Variants in HERC4 observed in about 807,000 individuals in gnomAD.
HERC4 encodes probable E3 ubiquitin-protein ligase HERC4.
In HERC4, 28 loss-of-function variants were observed where a neutral mutation model predicts 124.3. The ratio of observed to expected loss-of-function variants is 0.23; its 90% CI spans 0.17 to 0.31. HERC4 has a LOEUF of 0.31. HERC4 is among the 10% of genes least tolerant of loss of function. HERC4 has a pLI of 1.00. For missense variants in HERC4, 713 were observed against 1,229.3 expected, an observed-to-expected ratio of 0.58 and a Z score of 6.28; for synonymous variants, 407 against 421.5, an observed-to-expected ratio of 0.97 and a Z score of 0.42.
chr10:67,932,560 T>C, intron 23 of HERC4, 37 bp downstream of exon 23: 1 of 1,541,486 alleles, frequency 6.5e-7, no homozygotes, highest in Non-Finnish European at 8.8e-7. Context: ...ATATAAATCT[T>C]TCCATTTAAC....
rs1246628014 is a variant in HERC4 at position 68,044,394 on chromosome 10, C to T, written c.386+10G>A. 1 of 1,603,248 alleles carries T rather than the reference C, an allele frequency of 6.2e-7. No homozygotes were observed. Among genetic ancestry groups the T allele is most frequent in the South Asian group, 1.1e-5 (1 of 88,716 alleles). On this transcript the variant is annotated intron_variant, in intron 4 of 24. Transcript: ENST00000373700. ...ATTGTTAAGGACCTCTTTCTGGTCA[C>T]CTTTGTTACCTGGGTACTCTGATGC...
At chr10:67,933,912 T>C (rs2032083652) in intron 22 of HERC4, among the ~76,000 whole-genome samples, 1 of 152,188 alleles carries the variant, frequency 6.6e-6, no homozygotes, top group African/African-American at 2.4e-5. Context: ...AGCATCTAAG[T>C]AGCGGAATTA....
At chr10:68,037,563 A>C (rs923255887) in intron 5 of HERC4, among the ~76,000 whole-genome samples, 1 of 152,210 alleles carries the variant, frequency 6.6e-6, no homozygotes, top group African/African-American at 2.4e-5. Flanking sequence ...TAGAAAGTTC[A>C]TCTATGAGAT....
intron 19 of HERC4, 200 bp downstream of exon 19, chr10:67,954,395 A>C: frequency 5.2e-6 from 2 of 386,946 alleles, no homozygotes; most frequent in Non-Finnish European, 9.1e-6. Flanking sequence ...TTATTTTGTT[A>C]ATTTAAAATG....
chr10:67,984,850 C>G (rs2036169933), intron 15 of HERC4, among the ~76,000 whole-genome samples: 2 of 152,102 alleles, frequency 1.3e-5, no homozygotes, highest in Admixed American at 1.3e-4. Context: ...TCGCAAAGTG[C>G]TGGGGTTACA....
At chr10:67,967,568 T>C (rs1263580271) in intron 15 of HERC4, among the ~76,000 whole-genome samples, 1 of 152,170 alleles carries the variant, frequency 6.6e-6, no homozygotes, top group African/African-American at 2.4e-5. Flanking sequence ...ATTACCACCC[T>C]AGAGATTACC....
At chr10:68,066,854 T>A (rs2041328880) in intron 3 of HERC4, among the ~76,000 whole-genome samples, 1 of 152,202 alleles carries the variant, frequency 6.6e-6, no homozygotes, top group Admixed American at 6.5e-5. Flanking sequence ...CAAAGTGGTA[T>A]CAGAATGTAA....
intron 3 of HERC4, among the ~76,000 whole-genome samples, chr10:68,055,600 T>A (rs2040508747): frequency 6.6e-6 from 1 of 152,188 alleles, no homozygotes; most frequent in Non-Finnish European, 1.5e-5. Context: ...GAGGAAGTTA[T>A]CCTTAAGCTT....
chr10:67,993,890 C>T lies in HERC4; in HGVS notation c.1070-1208G>A, dbSNP rs894494214. 1.2e-4 allele frequency: 18 copies of T among 152,198 alleles called. 1 individual carries two copies. The highest frequency in any genetic ancestry group is 2.5e-4 in the Non-Finnish European group (17 of 68,016). 9.4% of individuals were successfully genotyped at this position (152,198 alleles called of 1,614,324 possible). The stretch of plus-strand genomic sequence containing the variant: ...ATTCCCATTCCTTAGTTGACTAATT[C>T]TTCACCTTGTATTATTTGTGACCAT... On this transcript the variant is annotated intron_variant, in intron 9 of 24. Transcript: ENST00000373700.
chr10:67,962,237 C>G (rs1589192064), intron 16 of HERC4, among the ~76,000 whole-genome samples: 1 of 148,902 alleles, frequency 6.7e-6, no homozygotes, highest in South Asian at 2.1e-4. Flanking sequence ...AAAAAAAAAG[C>G]CTATAAAAAT....
At position 67,922,831 on chromosome 10, in the gene HERC4, TTATAATAG is replaced by T. The variant is rs1302136390; in HGVS notation, c.*92_*99del. On this transcript the variant is annotated 3_prime_UTR_variant, in exon 25 of 25. Coordinates refer to ENST00000373700, the MANE Select transcript of HERC4 (RefSeq NM_015601.4). ...AGATTGAACATTCTGCAAGTAAGAA[TTATAATAG>T]TACCTCTGTCACCTTGCTGAATTCA... is the stretch of plus-strand genomic sequence containing the variant. 1 of 841,924 alleles carries T rather than the reference TTATAATAG, an allele frequency of 1.2e-6. No homozygotes were observed. 52.2% of individuals were successfully genotyped at this position (841,924 alleles called of 1,614,324 possible).
At chr10:67,936,779 T>C (rs2032401417) in intron 21 of HERC4, among the ~76,000 whole-genome samples, 1 of 152,214 alleles carries the variant, frequency 6.6e-6, no homozygotes, top group Admixed American at 6.5e-5. Flanking sequence ...TTCCCACTTA[T>C]GCATCTTTTC....
In HERC4 at chr10:67,994,236, T is replaced by C. The variant is rs1276217611; in HGVS notation, c.1070-1554A>G. 5 of 152,310 alleles carry C rather than the reference T, an allele frequency of 3.3e-5. No individual in the cohort carries two copies. In the East Asian group the frequency reaches 9.6e-4, roughly 29 times the overall value. The allele number at this position is 152,310 out of a possible 1,614,324, so 9.4% of individuals were successfully genotyped here. ...CTAAAATCTTTTTTCTAAATAATTC[T>C]CACAAATCTATATGGAATTGCTCAT... On this transcript the variant is annotated intron_variant, in intron 9 of 24. Transcript: ENST00000373700.
intron 15 of HERC4, among the ~76,000 whole-genome samples, chr10:67,974,316 G>C (rs950437903): frequency 3.3e-5 from 5 of 152,068 alleles, no homozygotes; most frequent in Admixed American, 2.6e-4. Flanking sequence ...AGACCCTATA[G>C]AGATGTTGCA....
At chr10:68,051,446 G>A (rs1589425867) in intron 3 of HERC4, among the ~76,000 whole-genome samples, 3 of 148,468 alleles carry the variant, frequency 2.0e-5, no homozygotes, top group South Asian at 4.3e-4. Flanking sequence ...CCGGGTTCGC[G>A]CCATTCTCCT....
intron 21 of HERC4, among the ~76,000 whole-genome samples, chr10:67,937,706 A>T (rs2032489129): frequency 7.3e-6 from 1 of 137,022 alleles, no homozygotes; most frequent in African/African-American, 2.8e-5. Flanking sequence ...TTTGAGATGG[A>T]GTCTCACTGT....
At chr10:67,973,996 G>A (rs1054019642) in intron 15 of HERC4, among the ~76,000 whole-genome samples, 1 of 145,152 alleles carries the variant, frequency 6.9e-6, no homozygotes, top group African/African-American at 2.6e-5. Flanking sequence ...GCAGTGAGCC[G>A]AGATCACGCC....
intron 9 of HERC4, among the ~76,000 whole-genome samples, chr10:68,007,031 G>T (rs1247956927): frequency 3.3e-5 from 5 of 152,068 alleles, no homozygotes; most frequent in Non-Finnish European, 7.4e-5. Flanking sequence ...GATTGAAAAG[G>T]TCTCTATTAT....
At chr10:67,996,334 A>C (rs2132854676) in intron 9 of HERC4, among the ~76,000 whole-genome samples, 1 of 152,222 alleles carries the variant, frequency 6.6e-6, no homozygotes, top group South Asian at 2.1e-4. Flanking sequence ...GCCCCACAAG[A>C]AACAGTCTTG....
Sources: gnomAD v4.1 joint callset for allele counts (sites outside exome capture counted in the v4.1 genomes callset) on GRCh38, gnomAD v4.1.1 for gene constraint, MANE v1.5 for transcripts, NCBI Gene and HGNC (gene_info 2026-07-23, HGNC 2026-07-21) for gene names.